The following GATAD1 variants were observed in gnomAD, a reference collection of about 807,000 sequenced individuals.
GATAD1 encodes the protein GATA zinc finger domain containing 1, also known as GATA zinc finger domain-containing protein 1.
In GATAD1, 12 loss-of-function variants were observed where a neutral mutation model predicts 26.5. The ratio of observed to expected loss-of-function variants is 0.45; its 90% CI spans 0.29 to 0.73. GATAD1 has a LOEUF of 0.73. Among genes scored for constraint, GATAD1 ranks in the 30% least tolerant of loss-of-function variants. The pLI is 0.10. For missense variants in GATAD1, 266 were observed against 342.1 expected (o/e 0.78, Z 1.75); for synonymous variants, 129 against 133.1 (o/e 0.97, Z 0.21).
At chr7:92,494,413 CA>C in the GATAD1 span, 1 of 1,611,934 alleles carries the variant, frequency 6.2e-7, no homozygotes, top group Non-Finnish European at 8.5e-7. Context: ...GAAAAAAGAA[CA>C]TTTTTTTACC....
At chr7:92,489,691 T>C in the GATAD1 span, 3 of 1,599,606 alleles carry the variant, frequency 1.9e-6, no homozygotes, top group Non-Finnish European at 1.7e-6. Context: ...TTAACAATTA[T>C]AATGAGGGGG....
chr7:92,449,487 G>A (rs1481721755), intron 2 of GATAD1: 1 of 974,784 alleles, frequency 1.0e-6, no homozygotes, highest in Non-Finnish European at 1.2e-6. Flanking sequence ...TTATAAACAA[G>A]GGATAATGTT....
In GATAD1 at chr7:92,454,569, C is replaced by G. The variant is rs187484662; in HGVS notation, c.503C>G (p.Ala168Gly). The G allele has an allele frequency of 1.9e-5, 31 of 1,612,832 alleles. No individual in the cohort carries two copies. The highest frequency in any genetic ancestry group is 2.2e-5 in the Non-Finnish European group (26 of 1,178,778). Residue 168 changes from alanine (A) to glycine (G), a missense_variant, in exon 4 of 5, where the codon GCT becomes GGT. By Grantham distance (60) the Ala-to-Gly change is moderately conservative. Transcript: ENST00000287957. The stretch of plus-strand genomic sequence containing the variant: ...GAACAAGATGGAAAGCCCTACTATG[C>G]TCAAATCAGAGGTTTTATCCAGGAC... ...IDEQDGKPYY[A>G]QIRGFIQDQY...
At chr7:92,456,038 T>C (rs1366523289) in intron 4 of GATAD1, among the ~76,000 whole-genome samples, 1 of 152,188 alleles carries the variant, frequency 6.6e-6, no homozygotes, top group Non-Finnish European at 1.5e-5. Context: ...TTGCCTCACT[T>C]TCCTCATATG....
the GATAD1 span, among the ~76,000 whole-genome samples, chr7:92,479,135 CT>C: frequency 3.3e-5 from 5 of 152,164 alleles, no homozygotes; most frequent in African/African-American, 1.2e-4. Context: ...CCTCTTCCTT[CT>C]TTTTTGCGTA....
the GATAD1 span, chr7:92,474,777 G>A: frequency 6.6e-6 from 1 of 152,162 alleles, no homozygotes; most frequent in South Asian, 2.1e-4. Flanking sequence ...AGCCATCAGG[G>A]TTATCTGAGA....
chr7:92,473,209 G>A, the GATAD1 span: 4 of 152,180 alleles, frequency 2.6e-5, no homozygotes, highest in African/African-American at 9.7e-5. Context: ...TAAGGGCTAG[G>A]TACAGCTGGC....
chr7:92,489,931 A>G, the GATAD1 span: 1 of 1,596,602 alleles, frequency 6.3e-7, no homozygotes, highest in Non-Finnish European at 8.6e-7. Context: ...AAATTGTAGT[A>G]ATGAAAGATG....
chr7:92,489,388 T>TTTGA, the GATAD1 span: 1 of 1,613,150 alleles, frequency 6.2e-7, no homozygotes, highest in Non-Finnish European at 8.5e-7. Context: ...CCAGTCTGGT[T>TTTGA]TTGATTGGTC....
the GATAD1 span, among the ~76,000 whole-genome samples, chr7:92,479,151 ACT>A: frequency 2.7e-5 from 4 of 150,544 alleles, no homozygotes; most frequent in Admixed American, 6.6e-5. Context: ...TGCGTATTAA[ACT>A]CTCTGCTCCT....
chr7:92,467,662 C>T, the GATAD1 span, among the ~76,000 whole-genome samples: 12 of 152,252 alleles, frequency 7.9e-5, no homozygotes, highest in Non-Finnish European at 1.3e-4. Flanking sequence ...CAGTCAGGCC[C>T]AGGCTCCCTT....
chr7:92,449,124 T>C (rs964825499), intron 2 of GATAD1: 24 of 1,175,020 alleles, frequency 2.0e-5, no homozygotes, highest in Non-Finnish European at 2.6e-5. Context: ...ATATAAAATA[T>C]GGGTTTAAAA....
the GATAD1 span, chr7:92,491,714 C>T: frequency 3.9e-6 from 2 of 510,384 alleles, no homozygotes; most frequent in South Asian, 4.3e-5. Context: ...AGATAATTTA[C>T]CAACCATCCC....
At position 92,449,227 on chromosome 7, in the gene GATAD1, AC is replaced by A. The variant is rs1789312116; in HGVS notation, c.375+351del. 4.5e-6 allele frequency: 4 copies of A among 892,166 alleles called. No individual in the cohort carries two copies. The African/African-American group carries it at 5.4e-5, about 12-fold the overall frequency. The allele number at this position is 892,166 out of a possible 1,614,324, so 55.3% of individuals were successfully genotyped here. On this transcript the variant is annotated intron_variant, in intron 2 of 4. Transcript: ENST00000287957. Reference sequence around the variant, plus strand: ...TGATATGGCCAGGTACACTAAGAAAACTTTTTTTTTTCATTCTTTAAAAATC... The same window carrying A: ...TGATATGGCCAGGTACACTAAGAAAATTTTTTTTTTCATTCTTTAAAAATC...
chr7:92,467,286 C>G, the GATAD1 span, among the ~76,000 whole-genome samples: 12 of 151,886 alleles, frequency 7.9e-5, no homozygotes, highest in Non-Finnish European at 1.8e-4. Flanking sequence ...GCACTCCAGC[C>G]TGGAAACAAG....
the GATAD1 span, chr7:92,492,826 A>G: frequency 1.3e-6 from 1 of 769,472 alleles, no homozygotes; most frequent in Non-Finnish European, 2.3e-6. Context: ...AACTAAAGGT[A>G]AATTTATGTT....
Position 92,447,685 on chromosome 7 carries a change from A to C in GATAD1, c.-45A>C. On this transcript the variant is annotated 5_prime_UTR_variant, in exon 1 of 5. Transcript: ENST00000287957. ...GGGGGCGGCCGGGCTACCGTCCGCCATTCCCGTGTCTCTGCGCCCGCGGGG... is the reference window on the plus strand; with the variant it reads ...GGGGGCGGCCGGGCTACCGTCCGCCCTTCCCGTGTCTCTGCGCCCGCGGGG... 1 of 1,398,732 alleles carries C rather than the reference A, an allele frequency of 7.1e-7. No individual in the cohort carries two copies. The highest frequency in any genetic ancestry group is 9.3e-7 in the Non-Finnish European group (1 of 1,075,660). 86.6% of individuals were successfully genotyped at this position (1,398,732 alleles called of 1,614,324 possible). A position where few individuals can be genotyped will look rare whatever the true frequency, so the allele number is the denominator to read the frequency against.
the GATAD1 span, chr7:92,478,029 C>G: frequency 2.6e-5 from 4 of 152,064 alleles, no homozygotes; most frequent in Non-Finnish European, 4.4e-5. Context: ...TTGGCTATTT[C>G]TTTACCTCCT....
chr7:92,471,006 C>G, the GATAD1 span: 1 of 167,088 alleles, frequency 6.0e-6, no homozygotes, highest in Non-Finnish European at 1.5e-5. Context: ...ATATCGTATA[C>G]CTAACGCCTG....
Sources: allele counts gnomAD v4.1 joint callset (sites outside exome capture counted in the v4.1 genomes callset), GRCh38; gene constraint gnomAD v4.1.1; transcripts MANE v1.5; gene names NCBI Gene and HGNC (gene_info 2026-07-23, HGNC 2026-07-21).